MCC: variants seen among roughly 807,000 people sequenced by gnomAD.
MCC encodes the protein colorectal mutant cancer protein.
Under a neutral mutation model 116.2 loss-of-function variants are expected in MCC, and 90 were observed. The observed-to-expected ratio is 0.77, with a 90% CI of 0.65 to 0.92. MCC has a LOEUF of 0.92. MCC is among the 40% of genes least tolerant of loss of function. The probability of loss-of-function intolerance (pLI) is 0.00; values close to 1 mark genes in which losing one functional copy is unlikely to be tolerated. For synonymous variants in MCC, 578 were observed against 510.5 expected, an observed-to-expected ratio of 1.13 and a Z score of -1.78; for missense variants, 1,516 against 1,312.2, an observed-to-expected ratio of 1.16 and a Z score of -2.40.
At chr5:113,160,269 G>A (rs1454503111) in intron 3 of MCC, among the ~76,000 whole-genome samples, 2 of 152,202 alleles carry the variant, frequency 1.3e-5, no homozygotes, top group Non-Finnish European at 2.9e-5. Flanking sequence ...CCAAGGGGGA[G>A]AGGTGTCTGA....
chr5:113,128,918 T>C (rs1349895415), intron 5 of MCC, among the ~76,000 whole-genome samples: 2 of 152,220 alleles, frequency 1.3e-5, no homozygotes, highest in Non-Finnish European at 2.9e-5. Flanking sequence ...GCTGCATGTA[T>C]ACCAAGATGT....
intron 3 of MCC, among the ~76,000 whole-genome samples, chr5:113,323,961 T>A (rs981122853): frequency 3.3e-5 from 5 of 152,222 alleles, no homozygotes; most frequent in African/African-American, 9.6e-5. Flanking sequence ...TACTATCTAC[T>A]TTTCAGTTAT....
At chr5:113,262,078 CT>C (rs879571232) in intron 3 of MCC, among the ~76,000 whole-genome samples, 8 of 151,726 alleles carry the variant, frequency 5.3e-5, no homozygotes, top group Non-Finnish European at 7.4e-5. Context: ...GTCCTAAGAG[CT>C]TTTTTTTAAT....
intron 3 of MCC, among the ~76,000 whole-genome samples, chr5:113,311,767 T>C (rs952407336): frequency 1.3e-5 from 2 of 148,984 alleles, no homozygotes; most frequent in Non-Finnish European, 3.0e-5. Context: ...AAGTCAGGAG[T>C]TCAAGACCAG....
chr5:113,091,660 T>A (rs577358040), intron 8 of MCC, among the ~76,000 whole-genome samples: 1 of 152,032 alleles, frequency 6.6e-6, no homozygotes, highest in Non-Finnish European at 1.5e-5. Flanking sequence ...GGTGGGAAGG[T>A]TGCTTGACCC....
At chr5:113,382,841 T>G (rs1290195349) in intron 2 of MCC, among the ~76,000 whole-genome samples, 1 of 152,128 alleles carries the variant, frequency 6.6e-6, no homozygotes, top group Non-Finnish European at 1.5e-5. Context: ...AGAAACAGGA[T>G]TCTCACTCAA....
At chr5:113,289,235 G>A (rs935410900) in intron 3 of MCC, among the ~76,000 whole-genome samples, 1 of 151,128 alleles carries the variant, frequency 6.6e-6, no homozygotes, top group Non-Finnish European at 1.5e-5. Flanking sequence ...GGAGGCTGAG[G>A]CAGGAGAATT....
chr5:113,065,774 C>G (rs562703758), intron 13 of MCC, among the ~76,000 whole-genome samples: 29 of 152,348 alleles, frequency 1.9e-4, no homozygotes, highest in South Asian at 1.9e-3. Context: ...CTTTGCTGTG[C>G]AACAGCTCTA....
chr5:113,072,458 G>A (rs986251693), intron 11 of MCC, among the ~76,000 whole-genome samples: 2 of 152,116 alleles, frequency 1.3e-5, no homozygotes, highest in African/African-American at 4.8e-5. Context: ...GTCTGTCCCG[G>A]CTAATTAGAT....
intron 1 of MCC, among the ~76,000 whole-genome samples, chr5:113,390,436 A>C (rs1769374126): frequency 1.3e-5 from 2 of 152,206 alleles, no homozygotes; most frequent in Non-Finnish European, 1.5e-5. Flanking sequence ...AACACCAATC[A>C]CCAGACAGCA....
intron 3 of MCC, among the ~76,000 whole-genome samples, chr5:113,196,918 C>A (rs1459891905): frequency 6.6e-6 from 1 of 152,172 alleles, no homozygotes; most frequent in African/African-American, 2.4e-5. Context: ...TGATCTGGAA[C>A]CTCCACTAAT....
At chr5:113,181,693 T>C (rs1490672941) in intron 3 of MCC, among the ~76,000 whole-genome samples, 1 of 152,142 alleles carries the variant, frequency 6.6e-6, no homozygotes, top group African/African-American at 2.4e-5. Context: ...AATGAAAATA[T>C]AACAAAAGGC....
intron 6 of MCC, among the ~76,000 whole-genome samples, chr5:113,107,208 CTTTTTTTTTTTTCTTTTTTTTT>C (rs1479772604): frequency 8.0e-6 from 1 of 125,070 alleles, no homozygotes; most frequent in Non-Finnish European, 1.6e-5. Context: ...GCATGTTTTT[CTTTTTTTTTTTTCTTTTTTTTT>C]TTTTTGAGAT....
intron 4 of MCC, among the ~76,000 whole-genome samples, chr5:113,146,001 A>G (rs1477608936): frequency 2.6e-5 from 4 of 152,232 alleles, no homozygotes; most frequent in Admixed American, 2.6e-4. Flanking sequence ...GACTCAATGT[A>G]TATTTGAAGC....
chr5:113,245,145 C>T (rs1003887583), intron 3 of MCC, among the ~76,000 whole-genome samples: 2 of 151,982 alleles, frequency 1.3e-5, no homozygotes, highest in African/African-American at 2.4e-5. Flanking sequence ...TAAAATTAGC[C>T]GGGCGTGGTG....
At position 113,025,387 on chromosome 5, in the gene MCC, G is replaced by T. The variant is rs1750467276; in HGVS notation, c.*1915C>A. On this transcript the variant is annotated 3_prime_UTR_variant, in exon 19 of 19. Transcript: ENST00000408903. ...TCATGCCTGTAATCCCAGCACTTTG[G>T]GAGGCCGAGGTGGGTGGATCAGTGG... is the stretch of plus-strand genomic sequence containing the variant. 1 of 151,908 alleles carries T rather than the reference G, an allele frequency of 6.6e-6. No individual in the cohort carries two copies. The highest frequency in any genetic ancestry group is 1.5e-5 in the Non-Finnish European group (1 of 67,976). 9.4% of individuals were successfully genotyped at this position (151,908 alleles called of 1,614,324 possible).
Position 113,157,036 on chromosome 5 carries a change from T to A in MCC, c.628-5614A>T, listed in dbSNP as rs547078298. On this transcript the variant is annotated intron_variant, in intron 3 of 18. Transcript: ENST00000408903. ...CTTTGCTAAGTGAATAGATGTCTATTCCGTTACATATCTGCTGTGTGACAA... is the reference window on the plus strand; with the variant it reads ...CTTTGCTAAGTGAATAGATGTCTATACCGTTACATATCTGCTGTGTGACAA... Among the ~76,000 whole-genome samples the A allele has an allele frequency of 2.6e-5, 4 of 152,258 alleles. No individual in the cohort carries two copies. The East Asian group carries it at 7.7e-4, about 29-fold the overall frequency.
At chr5:113,066,786 C>T (rs1753634777) in intron 13 of MCC, among the ~76,000 whole-genome samples, 1 of 152,198 alleles carries the variant, frequency 6.6e-6, no homozygotes, top group African/African-American at 2.4e-5. Flanking sequence ...TGGACAAGTC[C>T]TAATGGAAGC....
chr5:113,104,216 G>C lies in MCC; in HGVS notation c.1167C>G (p.Ser389Arg). The change falls in exon 7 of 19, where the codon AGC becomes AGG. Residue 389 changes from serine (S) to arginine (R), a missense_variant. By Grantham distance (110) the Ser-to-Arg change is moderately radical. Coordinates refer to ENST00000408903, the MANE Select transcript of MCC (RefSeq NM_001085377.2). ...CCTTAATAGCCAGGTCACAGTGCTCGCTGGCTGTGGTGAGCTGCTCAATGT... is the reference window on the plus strand; with the variant it reads ...CCTTAATAGCCAGGTCACAGTGCTCCCTGGCTGTGGTGAGCTGCTCAATGT... Reference protein sequence around the residue: ...DKHIEQLTTASEHCDLAIKTV... With the variant: ...DKHIEQLTTAREHCDLAIKTV... 2 of 1,613,282 alleles carry C rather than the reference G, an allele frequency of 1.2e-6. No individual in the cohort carries two copies. Among genetic ancestry groups the C allele is most frequent in the Non-Finnish European group, 1.7e-6 (2 of 1,179,586 alleles).
Sources: allele counts gnomAD v4.1 joint callset (sites outside exome capture counted in the v4.1 genomes callset), GRCh38; gene constraint gnomAD v4.1.1; transcripts MANE v1.5; gene names NCBI Gene and HGNC (gene_info 2026-07-23, HGNC 2026-07-21).